Variants in BIN3 observed in about 807,000 individuals in gnomAD.
BIN3 encodes bridging integrator 3.
A neutral mutation model predicts 38.2 loss-of-function variants in BIN3; 41 were observed. The observed-to-expected ratio is 1.07, with a 90% CI of 0.84 to 1.39. The LOEUF is 1.39. Ranked by LOEUF, BIN3 falls within the 40% of genes most tolerant of loss-of-function variation. The probability of loss-of-function intolerance (pLI) is 0.00; values close to 1 mark genes in which losing one functional copy is unlikely to be tolerated. For synonymous variants in BIN3, 145 were observed against 122.6 expected, an observed-to-expected ratio of 1.18 and a Z score of -1.21; for missense variants, 361 against 324.3, an observed-to-expected ratio of 1.11 and a Z score of -0.87.
intron 4 of BIN3, among the ~76,000 whole-genome samples, chr8:22,633,429 G>A (rs1802271009): frequency 6.6e-6 from 1 of 152,240 alleles, no homozygotes; most frequent in Non-Finnish European, 1.5e-5. Context: ...GCCCACACCA[G>A]GAGGCTGGTG....
intron 6 of BIN3, chr8:22,624,751 G>A (rs2117499565): frequency 4.6e-6 from 1 of 217,794 alleles, no homozygotes; most frequent in East Asian, 1.2e-4. Flanking sequence ...CAACGGACTA[G>A]GGGATGGTGG....
intron 1 of BIN3, among the ~76,000 whole-genome samples, chr8:22,668,219 T>C (rs1317990893): frequency 6.6e-6 from 1 of 152,204 alleles, no homozygotes; most frequent in Non-Finnish European, 1.5e-5. Flanking sequence ...CAAGTCACAA[T>C]TCTCTCCTGT....
intron 1 of BIN3, among the ~76,000 whole-genome samples, chr8:22,655,232 T>C (rs1250412558): frequency 6.6e-6 from 1 of 152,224 alleles, no homozygotes; most frequent in African/African-American, 2.4e-5. Flanking sequence ...ATGGGCTGGG[T>C]TTCCACTTTC....
At chr8:22,621,853 CTG>C (rs1226745649) in intron 8 of BIN3, among the ~76,000 whole-genome samples, 2 of 152,200 alleles carry the variant, frequency 1.3e-5, no homozygotes, top group South Asian at 4.1e-4. Flanking sequence ...CCTAGGGCGA[CTG>C]TGGAATGATG....
In BIN3 at chr8:22,636,322, C is replaced by A. The variant is rs201012481; in HGVS notation, c.160+203G>T. Among the ~76,000 whole-genome samples, 24 of 152,344 alleles carry A rather than the reference C, an allele frequency of 1.6e-4. No homozygotes were observed. The East Asian group carries it at 4.6e-3, about 29-fold the overall frequency. Reference sequence around the variant, plus strand: ...CCCAGGAGAGCCTTGCCCCAGCACCCACATCCAGAGTGGGGCAGTGCGAGC... The same window carrying A: ...CCCAGGAGAGCCTTGCCCCAGCACCAACATCCAGAGTGGGGCAGTGCGAGC... On this transcript the variant is annotated intron_variant, in intron 4 of 8. Coordinates refer to ENST00000276416, the MANE Select transcript of BIN3 (RefSeq NM_018688.6).
At chr8:22,625,647 G>A (rs1801979992) in intron 6 of BIN3, 1 of 513,022 alleles carries the variant, frequency 1.9e-6, no homozygotes, top group Admixed American at 3.2e-5. Context: ...GAGTACAGTG[G>A]TATGATCTCT....
rs1026809839 is a variant in BIN3 at position 22,621,111 on chromosome 8, A to G, written c.*311T>C. On this transcript the variant is annotated 3_prime_UTR_variant, in exon 9 of 9. Transcript: ENST00000276416. ...GCTAAGACCCCCAACTTAGCCAACGAAGCCCATGGCCTCAGAAGGGCTGCA... is the reference window on the plus strand; with the variant it reads ...GCTAAGACCCCCAACTTAGCCAACGGAGCCCATGGCCTCAGAAGGGCTGCA... 6 of 317,348 alleles carry G rather than the reference A, an allele frequency of 1.9e-5. No homozygotes were observed. Among genetic ancestry groups the G allele is most frequent in the Non-Finnish European group, 3.5e-5 (6 of 171,218 alleles). 19.7% of individuals were successfully genotyped at this position (317,348 alleles called of 1,614,324 possible). A position where few individuals can be genotyped will look rare whatever the true frequency, so the allele number is the denominator to read the frequency against.
At chr8:22,658,007 C>A (rs903142019) in intron 1 of BIN3, among the ~76,000 whole-genome samples, 2 of 152,244 alleles carry the variant, frequency 1.3e-5, no homozygotes, top group South Asian at 4.1e-4. Flanking sequence ...TGCCTCAGTG[C>A]TCCCCTTGGA....
chr8:22,647,672 T>C (rs1340804903), intron 1 of BIN3, among the ~76,000 whole-genome samples: 4 of 152,208 alleles, frequency 2.6e-5, no homozygotes, highest in Non-Finnish European at 5.9e-5. Context: ...TAAGAGGTTA[T>C]GTACACCACG....
In BIN3 at chr8:22,621,594, C is replaced by T. The variant is rs779047621; in HGVS notation, c.616-26G>A. 1.8e-5 allele frequency: 29 copies of T among 1,610,610 alleles called. No homozygotes were observed. The South Asian group carries it at 2.5e-4, about 14-fold the overall frequency. On this transcript the variant is annotated intron_variant, in intron 8 of 8. Coordinates refer to ENST00000276416, the MANE Select transcript of BIN3 (RefSeq NM_018688.6). ...CTGGGGGAGGCGACAGGGGTTGGCA[C>T]GTGCTGGCTCCAGGGAACCGTGTGC...
intron 1 of BIN3, among the ~76,000 whole-genome samples, chr8:22,657,292 T>C (rs974705534): frequency 6.6e-6 from 1 of 152,196 alleles, no homozygotes; most frequent in South Asian, 2.1e-4. Flanking sequence ...TAATGCTACA[T>C]AAAGAACAAA....
At chr8:22,663,993 G>T (rs1444449445) in intron 1 of BIN3, among the ~76,000 whole-genome samples, 6 of 152,156 alleles carry the variant, frequency 3.9e-5, no homozygotes, top group African/African-American at 1.4e-4. Context: ...TCTTTTAAAT[G>T]TTCCTCAACA....
chr8:22,624,731 C>G (rs1801953524), intron 6 of BIN3: 1 of 233,784 alleles, frequency 4.3e-6, no homozygotes, highest in Non-Finnish European at 8.3e-6. Context: ...CTCCTGTGAG[C>G]TTTATCACAC....
chr8:22,625,044 C>T, intron 6 of BIN3: 1 of 409,690 alleles, frequency 2.4e-6, no homozygotes, highest in Admixed American at 3.7e-5. Context: ...CTGGCTCTGC[C>T]ATTGGAACCG....
At chr8:22,627,378 G>A (rs150125352) in intron 6 of BIN3, among the ~76,000 whole-genome samples, 82 of 152,286 alleles carry the variant, frequency 5.4e-4, no homozygotes, top group African/African-American at 1.8e-3. Context: ...CCATCTCCCC[G>A]TTTTCTACTT....
At chr8:22,646,566 G>A (rs993990924) in intron 1 of BIN3, among the ~76,000 whole-genome samples, 2 of 152,198 alleles carry the variant, frequency 1.3e-5, no homozygotes, top group South Asian at 2.1e-4. Context: ...ATTTCTGGAG[G>A]ACATCCTGTT....
intron 2 of BIN3, among the ~76,000 whole-genome samples, chr8:22,637,207 G>A (rs1283010737): frequency 6.6e-6 from 1 of 152,342 alleles, no homozygotes; most frequent in East Asian, 1.9e-4. Flanking sequence ...CCAGCGGACT[G>A]TGGCTCTGCT....
At chr8:22,624,529 C>T (rs755198782) in intron 6 of BIN3, 166 bp from the exon 7 acceptor site, 69 of 795,870 alleles carry the variant, frequency 8.7e-5, no homozygotes, top group South Asian at 1.3e-4. Context: ...ACCTACCAAG[C>T]GCCAGACCCT....
chr8:22,635,988 T>C lies in BIN3; in HGVS notation c.160+537A>G, dbSNP rs537424461. On this transcript the variant is annotated intron_variant, in intron 4 of 8. Coordinates refer to ENST00000276416, the MANE Select transcript of BIN3 (RefSeq NM_018688.6). The stretch of plus-strand genomic sequence containing the variant: ...AGCCAAGAAACCTCCCCAAGGGCCC[T>C]GGCTGTTTCCCAGCACCTGCTGGCC... 2.0e-5 allele frequency among the ~76,000 whole-genome samples: 3 copies of C among 152,184 alleles called. No homozygotes were observed. In the South Asian group the frequency reaches 6.2e-4, roughly 32 times the overall value.
Sources: gnomAD v4.1 joint callset for allele counts (sites outside exome capture counted in the v4.1 genomes callset) on GRCh38, gnomAD v4.1.1 for gene constraint, MANE v1.5 for transcripts, NCBI Gene and HGNC (gene_info 2026-07-23, HGNC 2026-07-21) for gene names.